Variants in BCAS3 observed in about 807,000 individuals in gnomAD.
BCAS3 encodes BCAS4/BCAS3 fusion.
BCAS3 carries 53 observed loss-of-function variants against 116.1 expected under a neutral mutation model. That is an observed-to-expected ratio of 0.46 (90% CI 0.37 to 0.57). BCAS3 has a LOEUF of 0.57. Ranked by LOEUF, BCAS3 falls within the 20% of genes least tolerant of loss-of-function variation. The pLI is 0.00. For synonymous variants in BCAS3, 391 were observed against 408.2 expected (o/e 0.96, Z 0.51); for missense variants, 917 against 1,165.4 (o/e 0.79, Z 3.10).
chr17:60,769,079 A>G (rs7211864), intron 6 of BCAS3, among the ~76,000 whole-genome samples: 41,676 of 152,070 alleles, frequency 0.27, 11,420 homozygotes, highest in African/African-American at 0.71. Flanking sequence ...TGGAGACCCC[A>G]GGAGGAGTGG....
chr17:61,147,040 G>A (rs775587425), intron 22 of BCAS3, among the ~76,000 whole-genome samples: 1 of 150,818 alleles, frequency 6.6e-6, no homozygotes, highest in Non-Finnish European at 1.5e-5. Context: ...TCATCCTCCC[G>A]AGTAGTTGGG....
intron 22 of BCAS3, among the ~76,000 whole-genome samples, chr17:61,178,364 C>G (rs1393003665): frequency 6.6e-6 from 1 of 152,130 alleles, no homozygotes; most frequent in Admixed American, 6.5e-5. Flanking sequence ...TTAGGACTCT[C>G]CAGCTGCATA....
rs897209562 is a variant in BCAS3 at position 61,105,802 on chromosome 17, A to G, written c.2425+21238A>G. Among the ~76,000 whole-genome samples the G allele has an allele frequency of 1.3e-5, 2 of 151,928 alleles. No homozygotes were observed. Among genetic ancestry groups the G allele is most frequent in the South Asian group, 4.2e-4 (2 of 4,814 alleles). ...GAAAAAAAAAAGTTAGAGCTTTAGT[A>G]CTGGTACACTTTGGGACAGAAAGGC... On this transcript the variant is annotated intron_variant, in intron 22 of 23. Transcript: ENST00000407086. This position sits in a 1 kb window ranked among gnomAD's most constrained non-coding sequence, Gnocchi z 4.3.
At chr17:61,169,640 G>A (rs2078719609) in intron 22 of BCAS3, among the ~76,000 whole-genome samples, 1 of 152,118 alleles carries the variant, frequency 6.6e-6, no homozygotes, top group African/African-American at 2.4e-5. Flanking sequence ...TAAATAAACA[G>A]AAAGTCAGAA....
At chr17:60,735,034 A>G (rs558006409) in intron 5 of BCAS3, among the ~76,000 whole-genome samples, 4 of 152,164 alleles carry the variant, frequency 2.6e-5, no homozygotes, top group Non-Finnish European at 4.4e-5. Flanking sequence ...TATAGATTGC[A>G]TACATATTTT....
Position 61,028,361 on chromosome 17 carries a change from T to C in BCAS3, c.1638-6305T>C, listed in dbSNP as rs1718584575. Among the ~76,000 whole-genome samples the C allele has an allele frequency of 6.6e-6, 1 of 151,906 alleles. No individual in the cohort carries two copies. The highest frequency in any genetic ancestry group is 2.4e-5 in the African/African-American group (1 of 41,428). On this transcript the variant is annotated intron_variant, in intron 16 of 23. Transcript: ENST00000407086. This position sits in a 1 kb window ranked among gnomAD's most constrained non-coding sequence, Gnocchi z 4.3. ...AGAATATAAATCTCATGAAAGTTGATCTTTATTCATTTTGTTAACCAGATG... is the reference window on the plus strand; with the variant it reads ...AGAATATAAATCTCATGAAAGTTGACCTTTATTCATTTTGTTAACCAGATG...
rs1300869770 is a variant in BCAS3, at chr17:61,200,114, A to G, written c.2425+115550A>G. ...AAAACTACAGCATCCTGTCTAAGCCAGTTTGAAGTTGCCCCCCTTCATTTC... is the reference window on the plus strand; with the variant it reads ...AAAACTACAGCATCCTGTCTAAGCCGGTTTGAAGTTGCCCCCCTTCATTTC... On this transcript the variant is annotated intron_variant, in intron 22 of 23. Transcript: ENST00000407086. This position sits in a 1 kb window ranked among gnomAD's most constrained non-coding sequence, Gnocchi z 5.1. Among the ~76,000 whole-genome samples, 1 of 152,234 alleles carries G rather than the reference A, an allele frequency of 6.6e-6. No homozygotes were observed. Among genetic ancestry groups the G allele is most frequent in the Non-Finnish European group, 1.5e-5 (1 of 68,030 alleles).
intron 6 of BCAS3, among the ~76,000 whole-genome samples, chr17:60,779,658 C>T (rs1056056634): frequency 1.4e-4 from 21 of 152,190 alleles, no homozygotes; most frequent in African/African-American, 4.8e-5. Flanking sequence ...CGTGAGCCAT[C>T]GCGCCCGGCA....
At chr17:61,341,347 G>A (rs904027726) in intron 22 of BCAS3, among the ~76,000 whole-genome samples, 1 of 152,202 alleles carries the variant, frequency 6.6e-6, no homozygotes, top group Non-Finnish European at 1.5e-5. Flanking sequence ...TCCGGGGCAG[G>A]CGGTGTCCTC....
rs145793114 is a variant in BCAS3 at position 61,049,699 on chromosome 17, AG to A, written c.2029+8808del. Among the ~76,000 whole-genome samples, 15 of 151,282 alleles carry A rather than the reference AG, an allele frequency of 9.9e-5. No individual in the cohort carries two copies. The East Asian group carries it at 2.1e-3, about 21-fold the overall frequency. ...TGTTACACACCAAGGAGCAAAGATA[AG>A]CAGATTTTTCTTTTCTTTTCTTTTC... On this transcript the variant is annotated intron_variant, in intron 19 of 23. Coordinates refer to ENST00000407086, the MANE Select transcript of BCAS3 (RefSeq NM_017679.5).
intron 7 of BCAS3, among the ~76,000 whole-genome samples, chr17:60,862,662 TTC>T (rs977520362): frequency 2.0e-4 from 30 of 152,156 alleles, no homozygotes; most frequent in African/African-American, 7.2e-4. Context: ...TTCTTTTCTT[TTC>T]TTTTTGAGAC....
Position 61,131,328 on chromosome 17 carries a change from T to C in BCAS3, c.2425+46764T>C, listed in dbSNP as rs1363020749. Among the ~76,000 whole-genome samples the C allele has an allele frequency of 6.6e-6, 1 of 152,210 alleles. No homozygotes were observed. The highest frequency in any genetic ancestry group is 2.4e-5 in the African/African-American group (1 of 41,458). ...AATGACATCACTGAAACAGCAGGTA[T>C]GACAGAGGGTTCCCTGACTTTGATA... On this transcript the variant is annotated intron_variant, in intron 22 of 23. Coordinates refer to ENST00000407086, the MANE Select transcript of BCAS3 (RefSeq NM_017679.5). This position sits in a 1 kb window ranked among gnomAD's most constrained non-coding sequence, Gnocchi z 4.4.
At chr17:61,096,672 TTTTA>T (rs2143632864) in intron 22 of BCAS3, among the ~76,000 whole-genome samples, 1 of 152,376 alleles carries the variant, frequency 6.6e-6, no homozygotes, top group African/African-American at 2.4e-5. Context: ...ATAAAGATGG[TTTTA>T]TTTCTTTTTA....
chr17:61,115,199 A>G (rs2075351250), intron 22 of BCAS3, among the ~76,000 whole-genome samples: 1 of 152,206 alleles, frequency 6.6e-6, no homozygotes. Flanking sequence ...TCATGTCCAA[A>G]ACACCAAAAG....
chr17:61,114,685 A>G (rs951540374), intron 22 of BCAS3, among the ~76,000 whole-genome samples: 11 of 152,174 alleles, frequency 7.2e-5, no homozygotes, highest in African/African-American at 1.9e-4. Flanking sequence ...TACAGATTCA[A>G]TGCTATCCCC....
chr17:61,350,879 C>G (rs562634160), intron 22 of BCAS3, among the ~76,000 whole-genome samples: 5 of 152,272 alleles, frequency 3.3e-5, no homozygotes, highest in Admixed American at 6.5e-5. Flanking sequence ...GATGCTTCCC[C>G]TGCCTCAGCC....
intron 22 of BCAS3, among the ~76,000 whole-genome samples, chr17:61,209,718 G>A (rs1019417495): frequency 4.6e-5 from 7 of 152,118 alleles, no homozygotes; most frequent in African/African-American, 1.2e-4. Flanking sequence ...GTTCCTGTGC[G>A]GTGCTGTAAA....
At chr17:60,695,942 T>C (rs978202635) in intron 4 of BCAS3, among the ~76,000 whole-genome samples, 4 of 152,098 alleles carry the variant, frequency 2.6e-5, no homozygotes, top group Admixed American at 1.3e-4. Flanking sequence ...CTGGGAAAGA[T>C]TGGGGCTTCA....
At chr17:61,179,689 G>A (rs1400061244) in intron 22 of BCAS3, among the ~76,000 whole-genome samples, 1 of 152,102 alleles carries the variant, frequency 6.6e-6, no homozygotes, top group Non-Finnish European at 1.5e-5. Flanking sequence ...GGTATTAGTG[G>A]CATTTTGCCC....
Sources: gnomAD v4.1 joint callset for allele counts (sites outside exome capture counted in the v4.1 genomes callset) on GRCh38, gnomAD v4.1.1 for gene constraint, Gnocchi (gnomAD v3.1) non-coding constraint, MANE v1.5 for transcripts, NCBI Gene and HGNC (gene_info 2026-07-23, HGNC 2026-07-21) for gene names.